The following HS6ST3 variants were observed in gnomAD, a reference collection of about 807,000 sequenced individuals.
HS6ST3 encodes the protein heparan-sulfate 6-O-sulfotransferase 3.
In HS6ST3, 12 loss-of-function variants were observed where a neutral mutation model predicts 36.7. The ratio of observed to expected loss-of-function variants is 0.33; its 90% CI spans 0.21 to 0.53. The LOEUF (loss-of-function observed/expected upper bound fraction) is 0.53. Among genes scored for constraint, HS6ST3 ranks in the 20% least tolerant of loss-of-function variants. The probability of loss-of-function intolerance (pLI) is 0.95; values close to 1 mark genes in which losing one functional copy is unlikely to be tolerated. For synonymous variants in HS6ST3, 240 were observed against 257.5 expected, an observed-to-expected ratio of 0.93 and a Z score of 0.65; for missense variants, 584 against 640.9, an observed-to-expected ratio of 0.91 and a Z score of 0.96.
At chr13:96,474,385 G>A (rs1484034927) in intron 1 of HS6ST3, among the ~76,000 whole-genome samples, 1 of 152,120 alleles carries the variant, frequency 6.6e-6, no homozygotes, top group Non-Finnish European at 1.5e-5. Flanking sequence ...TGTTCAAACG[G>A]ATAGGAAATG....
chr13:96,573,072 C>T (rs2056306830), intron 1 of HS6ST3, among the ~76,000 whole-genome samples: 1 of 152,158 alleles, frequency 6.6e-6, no homozygotes, highest in South Asian at 2.1e-4. Context: ...AGAACTTAGA[C>T]TAAGTGGATT....
intron 1 of HS6ST3, among the ~76,000 whole-genome samples, chr13:96,459,550 C>T (rs1459602733): frequency 6.6e-6 from 1 of 152,166 alleles, no homozygotes; most frequent in African/African-American, 2.4e-5. Flanking sequence ...GGTAGGCACG[C>T]AGTTTTGGAA....
intron 1 of HS6ST3, among the ~76,000 whole-genome samples, chr13:96,457,219 C>G (rs1037253373): frequency 6.6e-6 from 1 of 152,018 alleles, no homozygotes; most frequent in Non-Finnish European, 1.5e-5. Context: ...TTGAATGTAG[C>G]TAGATTGACA....
At chr13:96,479,111 G>A (rs893059633) in intron 1 of HS6ST3, among the ~76,000 whole-genome samples, 1 of 152,206 alleles carries the variant, frequency 6.6e-6, no homozygotes, top group Non-Finnish European at 1.5e-5. Flanking sequence ...GGGGACAGGT[G>A]ATTATATATC....
chr13:96,759,641 A>G (rs1452959160), intron 1 of HS6ST3, among the ~76,000 whole-genome samples: 1 of 151,952 alleles, frequency 6.6e-6, no homozygotes, highest in Non-Finnish European at 1.5e-5. Flanking sequence ...ATATAATGCT[A>G]TAATTTATAA....
chr13:96,535,841 G>C (rs920204432), intron 1 of HS6ST3, among the ~76,000 whole-genome samples: 2 of 152,132 alleles, frequency 1.3e-5, no homozygotes, highest in African/African-American at 4.8e-5. Flanking sequence ...TTGCTGTTGA[G>C]AAGCAAAGTC....
intron 1 of HS6ST3, among the ~76,000 whole-genome samples, chr13:96,352,736 A>G (rs1177997159): frequency 6.6e-6 from 1 of 152,198 alleles, no homozygotes; most frequent in African/African-American, 2.4e-5. Context: ...AAAAACAAAT[A>G]TCTGAGAATA....
chr13:96,716,976 T>C (rs1875713719), intron 1 of HS6ST3, among the ~76,000 whole-genome samples: 1 of 152,162 alleles, frequency 6.6e-6, no homozygotes, highest in Non-Finnish European at 1.5e-5. Flanking sequence ...TTTTCCTTCA[T>C]TCAGGAGGGA....
chr13:96,766,973 C>A (rs1341561328), intron 1 of HS6ST3, among the ~76,000 whole-genome samples: 1 of 152,158 alleles, frequency 6.6e-6, no homozygotes, highest in Non-Finnish European at 1.5e-5. Context: ...GCATGTTCAA[C>A]TTTAGTGTAT....
chr13:96,395,821 A>T (rs2055418184), intron 1 of HS6ST3, among the ~76,000 whole-genome samples: 1 of 152,112 alleles, frequency 6.6e-6, no homozygotes, highest in African/African-American at 2.4e-5. Context: ...TTTTTAGTAA[A>T]GGAGTGGTAT....
intron 1 of HS6ST3, among the ~76,000 whole-genome samples, chr13:96,442,921 A>G (rs1316621402): frequency 1.3e-5 from 2 of 152,260 alleles, no homozygotes; most frequent in East Asian, 1.9e-4. Context: ...CCTAAATTAC[A>G]TTAGGAGACT....
intron 1 of HS6ST3, among the ~76,000 whole-genome samples, chr13:96,597,188 G>T (rs534868925): frequency 6.6e-6 from 1 of 152,056 alleles, no homozygotes; most frequent in African/African-American, 2.4e-5. Flanking sequence ...GAGCCTACTG[G>T]AGGGCGAAGG....
At chr13:96,113,267 A>G (rs1223485751) in intron 1 of HS6ST3, among the ~76,000 whole-genome samples, 3 of 152,160 alleles carry the variant, frequency 2.0e-5, no homozygotes, top group African/African-American at 7.2e-5. Context: ...CAGACTATCT[A>G]TGGGGAGAAG....
At chr13:96,652,363 C>T (rs2056610422) in intron 1 of HS6ST3, among the ~76,000 whole-genome samples, 1 of 151,626 alleles carries the variant, frequency 6.6e-6, no homozygotes. Context: ...TTTTCTTTTC[C>T]TTTCTTCCAT....
intron 1 of HS6ST3, among the ~76,000 whole-genome samples, chr13:96,678,863 C>T (rs1447596169): frequency 6.6e-6 from 1 of 151,970 alleles, no homozygotes; most frequent in African/African-American, 2.4e-5. Context: ...TTTCTTATCA[C>T]TCCAACTATT....
chr13:96,617,428 T>C (rs1446180052), intron 1 of HS6ST3, among the ~76,000 whole-genome samples: 1 of 152,222 alleles, frequency 6.6e-6, no homozygotes, highest in East Asian at 1.9e-4. Flanking sequence ...GTGAAGCTAG[T>C]TCAAATATAT....
chr13:96,395,475 G>A (rs923303928), intron 1 of HS6ST3, among the ~76,000 whole-genome samples: 1 of 151,914 alleles, frequency 6.6e-6, no homozygotes, highest in Non-Finnish European at 1.5e-5. Flanking sequence ...CCACAACCCT[G>A]CTCTCTCTCT....
At chr13:96,419,481 A>G (rs911280023) in intron 1 of HS6ST3, among the ~76,000 whole-genome samples, 1 of 152,256 alleles carries the variant, frequency 6.6e-6, no homozygotes. Context: ...GATGATAGAT[A>G]GATAAATGGA....
chr13:96,462,823 A>C (rs753088032), intron 1 of HS6ST3, among the ~76,000 whole-genome samples: 103 of 152,228 alleles, frequency 6.8e-4, no homozygotes, highest in Middle Eastern at 3.2e-3. Flanking sequence ...TATCTAAATG[A>C]GTTGCATTTC....
Sources: gnomAD v4.1 joint callset for allele counts (sites outside exome capture counted in the v4.1 genomes callset) on GRCh38, gnomAD v4.1.1 for gene constraint, MANE v1.5 for transcripts, NCBI Gene and HGNC (gene_info 2026-07-23, HGNC 2026-07-21) for gene names.